The following MYO3B variants were observed in gnomAD, a reference collection of about 807,000 sequenced individuals.
MYO3B encodes myosin IIIB.
Under a neutral mutation model 174.6 loss-of-function variants are expected in MYO3B, and 156 were observed. The observed-to-expected ratio is 0.89, with a 90% CI of 0.78 to 1.02. The LOEUF is 1.02. Ranked by LOEUF, MYO3B falls within the 50% of genes least tolerant of loss-of-function variation. The pLI is 0.00. For synonymous variants in MYO3B, 563 were observed against 569.1 expected, an observed-to-expected ratio of 0.99 and a Z score of 0.15; for missense variants, 1,632 against 1,639.4, an observed-to-expected ratio of 1.00 and a Z score of 0.08.
chr2:170,416,658 A>G (rs2094581251), intron 22 of MYO3B, among the ~76,000 whole-genome samples: 1 of 135,872 alleles, frequency 7.4e-6, no homozygotes, highest in South Asian at 2.2e-4. Flanking sequence ...ACAAAATCCT[A>G]TGTGATCTGT....
intron 32 of MYO3B, among the ~76,000 whole-genome samples, chr2:170,624,973 T>G (rs1295866677): frequency 1.3e-5 from 2 of 152,176 alleles, no homozygotes; most frequent in Non-Finnish European, 2.9e-5. Context: ...TTTGCCAGTA[T>G]TTTATTGAGG....
At chr2:170,589,310 A>G (rs984217656) in intron 32 of MYO3B, among the ~76,000 whole-genome samples, 1 of 152,220 alleles carries the variant, frequency 6.6e-6, no homozygotes, top group African/African-American at 2.4e-5. Flanking sequence ...GTAAACTACT[A>G]TGGACATTAT....
chr2:170,313,764 A>G (rs2093755541), intron 7 of MYO3B, among the ~76,000 whole-genome samples: 1 of 152,068 alleles, frequency 6.6e-6, no homozygotes, highest in Non-Finnish European at 1.5e-5. Context: ...GCTGCAGGCA[A>G]GATTTCTCTC....
chr2:170,498,938 A>T (rs1687052706), intron 26 of MYO3B, among the ~76,000 whole-genome samples: 1 of 152,270 alleles, frequency 6.6e-6, no homozygotes, highest in South Asian at 2.1e-4. Flanking sequence ...TTAGAATGAG[A>T]TCTTTGAGCT....
chr2:170,352,471 T>C (rs1389517094), intron 8 of MYO3B, among the ~76,000 whole-genome samples: 2 of 152,082 alleles, frequency 1.3e-5, no homozygotes, highest in African/African-American at 2.4e-5. Flanking sequence ...GAGGAAAAGG[T>C]TGGTAAAAAG....
At chr2:170,252,948 T>C (rs2093269024) in intron 7 of MYO3B, among the ~76,000 whole-genome samples, 1 of 152,180 alleles carries the variant, frequency 6.6e-6, no homozygotes, top group African/African-American at 2.4e-5. Context: ...TAGATGATGA[T>C]GCCCTGGAGA....
intron 24 of MYO3B, among the ~76,000 whole-genome samples, chr2:170,465,074 T>C (rs2105964264): frequency 6.6e-6 from 1 of 151,576 alleles, no homozygotes; most frequent in Admixed American, 6.6e-5. Flanking sequence ...GGCTTCACCA[T>C]GTTGGCCAGT....
At chr2:170,300,650 A>G (rs929805628) in intron 7 of MYO3B, among the ~76,000 whole-genome samples, 2 of 152,142 alleles carry the variant, frequency 1.3e-5, no homozygotes, top group Non-Finnish European at 2.9e-5. Context: ...AAATTAGACA[A>G]TCAAGCATTA....
chr2:170,536,822 T>C (rs1009534624), intron 30 of MYO3B, among the ~76,000 whole-genome samples: 8 of 152,232 alleles, frequency 5.3e-5, no homozygotes, highest in Non-Finnish European at 1.0e-4. Flanking sequence ...TCTCTTATGG[T>C]AATAACTTCC....
At position 170,608,385 on chromosome 2, in the gene MYO3B, A is replaced by G. The variant is rs568350740; in HGVS notation, c.3734-43243A>G. On this transcript the variant is annotated intron_variant, in intron 32 of 34. Transcript: ENST00000408978. Reference sequence around the variant, plus strand: ...AAAAGAACTGATAATCAATTAATAGACATTAAAAGGATGGTGCTTTGTAAG... The same window carrying G: ...AAAAGAACTGATAATCAATTAATAGGCATTAAAAGGATGGTGCTTTGTAAG... 7.2e-5 allele frequency among the ~76,000 whole-genome samples: 11 copies of G among 152,286 alleles called. No individual in the cohort carries two copies. In the South Asian group the frequency reaches 2.3e-3, roughly 32 times the overall value.
chr2:170,647,075 G>A, intron 32 of MYO3B: 1 of 346,846 alleles, frequency 2.9e-6, no homozygotes, highest in Non-Finnish European at 5.5e-6. Flanking sequence ...TTATACAGCT[G>A]AGATACTCCA....
At chr2:170,553,540 G>T (rs931545455) in intron 32 of MYO3B, among the ~76,000 whole-genome samples, 8 of 149,558 alleles carry the variant, frequency 5.3e-5, no homozygotes, top group Non-Finnish European at 4.4e-5. Flanking sequence ...TTGTATCTTA[G>T]AAGTAACTAA....
intron 7 of MYO3B, among the ~76,000 whole-genome samples, chr2:170,293,911 G>A (rs1054290469): frequency 5.3e-5 from 8 of 152,054 alleles, no homozygotes; most frequent in Admixed American, 1.3e-4. Flanking sequence ...TTGAGACCAG[G>A]CTAAGGGATA....
intron 32 of MYO3B, among the ~76,000 whole-genome samples, chr2:170,598,937 A>G (rs1269221245): frequency 6.6e-6 from 1 of 152,234 alleles, no homozygotes; most frequent in East Asian, 1.9e-4. Flanking sequence ...AATTATTATT[A>G]GAAATAGGTC....
At chr2:170,432,640 G>A (rs148507407) in intron 22 of MYO3B, among the ~76,000 whole-genome samples, 43 of 150,780 alleles carry the variant, frequency 2.9e-4, no homozygotes, top group African/African-American at 1.0e-3. Context: ...GCAGTGGCAC[G>A]ATCTCGGCTC....
Position 170,387,252 on chromosome 2 carries a change from G to A in MYO3B, c.1521G>A (p.Met507Ile), listed in dbSNP as rs1221628153. Residue 507 changes from methionine to isoleucine, a missense_variant, in exon 14 of 35, where the codon ATG becomes ATA. Met to Ile is a conservative substitution (Grantham distance 10, BLOSUM62 1). Transcript: ENST00000408978. ...EMMFTPTGVV[M>I]GARISEYLLE... is the part of the protein sequence containing the mutation. The stretch of plus-strand genomic sequence containing the variant: ...TGTTTACACCAACTGGAGTTGTGAT[G>A]GGGGCAAGAATCTCTGAATATCTCC... 3 of 1,614,152 alleles carry A rather than the reference G, an allele frequency of 1.9e-6. No individual in the cohort carries two copies. The highest frequency in any genetic ancestry group is 2.5e-6 in the Non-Finnish European group (3 of 1,179,990).
chr2:170,513,448 C>T (rs1219582948), intron 28 of MYO3B, among the ~76,000 whole-genome samples: 4 of 152,150 alleles, frequency 2.6e-5, no homozygotes, highest in African/African-American at 9.7e-5. Flanking sequence ...TTGCCATATG[C>T]GTTCTCACTG....
chr2:170,223,543 C>A (rs1281757138), intron 6 of MYO3B, among the ~76,000 whole-genome samples: 1 of 152,128 alleles, frequency 6.6e-6, no homozygotes, highest in East Asian at 1.9e-4. Flanking sequence ...GACTGGAATC[C>A]ATATTTTGTG....
intron 32 of MYO3B, among the ~76,000 whole-genome samples, chr2:170,608,664 C>A (rs1694964110): frequency 6.6e-6 from 1 of 151,178 alleles, no homozygotes; most frequent in African/African-American, 2.4e-5. Flanking sequence ...TTATTCAAGC[C>A]CAAAGAGAGA....
Sources: gnomAD v4.1 joint callset for allele counts (sites outside exome capture counted in the v4.1 genomes callset) on GRCh38, gnomAD v4.1.1 for gene constraint, MANE v1.5 for transcripts, NCBI Gene and HGNC (gene_info 2026-07-23, HGNC 2026-07-21) for gene names.